The following ZNF710 variants were observed in gnomAD, a reference collection of about 807,000 sequenced individuals.
ZNF710 encodes zinc finger protein 710.
ZNF710 carries 13 observed loss-of-function variants against 50.6 expected under a neutral mutation model. The ratio of observed to expected loss-of-function variants is 0.26; its 90% CI spans 0.17 to 0.41. ZNF710 has a LOEUF of 0.41. Ranked by LOEUF, ZNF710 falls within the 10% of genes least tolerant of loss-of-function variation. The pLI is 1.00. For missense variants in ZNF710, 721 were observed against 936.6 expected, an observed-to-expected ratio of 0.77 and a Z score of 3.01; for synonymous variants, 383 against 397.0, an observed-to-expected ratio of 0.96 and a Z score of 0.42.
At chr15:90,054,109 TA>T (rs994982446) in intron 1 of ZNF710, among the ~76,000 whole-genome samples, 1 of 151,622 alleles carries the variant, frequency 6.6e-6, no homozygotes, top group Non-Finnish European at 1.5e-5. Flanking sequence ...TTGAAGGAGA[TA>T]AAAGGAGAGT....
rs907836126 is a variant in ZNF710, at chr15:90,034,900, T to A, written c.-28-32210T>A. ...AGTTGCAAGCTCCCAGAAACGATGC[T>A]GTTAGGACCCTCTGTTCACTCAGAG... On this transcript the variant is annotated intron_variant, in intron 1 of 4. Transcript: ENST00000268154. The surrounding 1 kb of genome is among the most constrained non-coding windows in gnomAD (Gnocchi z 4.0). Among the ~76,000 whole-genome samples, 18 of 152,196 alleles carry A rather than the reference T, an allele frequency of 1.2e-4. No homozygotes were observed. Among genetic ancestry groups the A allele is most frequent in the Non-Finnish European group, 2.1e-4 (14 of 68,022 alleles).
At chr15:90,065,418 G>C (rs780769603) in intron 1 of ZNF710, among the ~76,000 whole-genome samples, 15 of 152,196 alleles carry the variant, frequency 9.9e-5, no homozygotes, top group Non-Finnish European at 2.2e-4. Context: ...CAGGGCAAGG[G>C]GTATAGGCCC....
chr15:90,043,283 G>T (rs1040461994), intron 1 of ZNF710, among the ~76,000 whole-genome samples: 1 of 152,266 alleles, frequency 6.6e-6, no homozygotes, highest in African/African-American at 2.4e-5. Context: ...TCATAGAGGA[G>T]ACCTGCGGGC....
At chr15:90,077,790 C>G (rs1156535806) in intron 4 of ZNF710, among the ~76,000 whole-genome samples, 1 of 152,158 alleles carries the variant, frequency 6.6e-6, no homozygotes, top group East Asian at 1.9e-4. Flanking sequence ...GTAGCGCACA[C>G]CTATCGTCCC....
intron 1 of ZNF710, among the ~76,000 whole-genome samples, chr15:90,024,208 G>T (rs966252410): frequency 2.0e-5 from 3 of 152,232 alleles, no homozygotes; most frequent in Admixed American, 6.5e-5. Context: ...GGGCACCCCA[G>T]TATCTCTGCC....
chr15:90,058,728 T>TAC (rs143152098), intron 1 of ZNF710, among the ~76,000 whole-genome samples: 7,561 of 145,432 alleles, frequency 0.052, 791 homozygotes, highest in African/African-American at 0.18. Context: ...TACACACATA[T>TAC]ACACACACAC....
At chr15:90,065,844 C>T (rs1470947440) in intron 1 of ZNF710, among the ~76,000 whole-genome samples, 2 of 152,094 alleles carry the variant, frequency 1.3e-5, no homozygotes, top group African/African-American at 2.4e-5. Context: ...GAGGTTGAGA[C>T]AGGAGTGAGC....
At chr15:90,042,043 G>A (rs534984385) in intron 1 of ZNF710, among the ~76,000 whole-genome samples, 3 of 151,988 alleles carry the variant, frequency 2.0e-5, no homozygotes, top group East Asian at 1.9e-4. Flanking sequence ...GATTACAGGC[G>A]CCCACTACCA....
rs2151495052 is a variant in ZNF710 at position 90,040,472 on chromosome 15, G to A, written c.-28-26638G>A. Among the ~76,000 whole-genome samples, 1 of 152,126 alleles carries A rather than the reference G, an allele frequency of 6.6e-6. No individual in the cohort carries two copies. Among genetic ancestry groups the A allele is most frequent in the African/African-American group, 2.4e-5 (1 of 41,492 alleles). On this transcript the variant is annotated intron_variant, in intron 1 of 4. Coordinates refer to ENST00000268154, the MANE Select transcript of ZNF710 (RefSeq NM_198526.4). This position sits in a 1 kb window ranked among gnomAD's most constrained non-coding sequence, Gnocchi z 4.6. ...CCCTGAATTCTGTTCTTTCTTGAAG[G>A]AATTTCTGTTCTCATCAGTTCATAA... is the stretch of plus-strand genomic sequence containing the variant.
intron 4 of ZNF710, among the ~76,000 whole-genome samples, chr15:90,079,097 A>G (rs1900660872): frequency 6.6e-6 from 1 of 152,202 alleles, no homozygotes; most frequent in African/African-American, 2.4e-5. Context: ...ACCCTCCCGC[A>G]GTGTGAGGCA....
At chr15:90,042,730 C>T (rs368044053) in intron 1 of ZNF710, among the ~76,000 whole-genome samples, 1 of 152,162 alleles carries the variant, frequency 6.6e-6, no homozygotes, top group African/African-American at 2.4e-5. Context: ...TTTTGGGAGA[C>T]ACACGGTCAC....
intron 1 of ZNF710, among the ~76,000 whole-genome samples, chr15:90,047,471 A>C (rs769630528): frequency 2.6e-4 from 39 of 152,078 alleles, no homozygotes; most frequent in Non-Finnish European, 4.3e-4. Flanking sequence ...GTGCTTCAAA[A>C]CCTGGTGGGG....
intron 1 of ZNF710, among the ~76,000 whole-genome samples, chr15:90,008,806 G>T (rs1032271779): frequency 6.6e-6 from 1 of 151,628 alleles, no homozygotes; most frequent in African/African-American, 2.4e-5. Context: ...GGTCTCTTTC[G>T]CAATCACCAT....
chr15:90,001,882 GT>G (rs1421422447), intron 1 of ZNF710, among the ~76,000 whole-genome samples: 2 of 143,236 alleles, frequency 1.4e-5, no homozygotes, highest in African/African-American at 2.6e-5. Context: ...GGCGTCTGGG[GT>G]GGGGGGGAGG....
rs558004481 is a variant in ZNF710 at position 90,081,697 on chromosome 15, C to T, written c.*1868C>T. On this transcript the variant is annotated 3_prime_UTR_variant, in exon 5 of 5. Coordinates refer to ENST00000268154, the MANE Select transcript of ZNF710 (RefSeq NM_198526.4). The stretch of plus-strand genomic sequence containing the variant: ...GCATCATCCCCTGCAACTACCTCTT[C>T]CCACGTCTTTCTCCCCTGGTACCAA... The T allele has an allele frequency of 5.2e-5, 8 of 152,734 alleles. No individual in the cohort carries two copies. In the East Asian group the frequency reaches 1.3e-3, roughly 26 times the overall value. The allele number at this position is 152,734 out of a possible 1,614,324, so 9.5% of individuals were successfully genotyped here.
chr15:90,003,356 T>C (rs767659665), intron 1 of ZNF710, among the ~76,000 whole-genome samples: 2 of 152,138 alleles, frequency 1.3e-5, no homozygotes, highest in Non-Finnish European at 2.9e-5. Flanking sequence ...TGTGGGCATC[T>C]GGGAAATTCA....
At chr15:90,038,709 G>C (rs1247754509) in intron 1 of ZNF710, among the ~76,000 whole-genome samples, 2 of 137,604 alleles carry the variant, frequency 1.5e-5, no homozygotes, top group Non-Finnish European at 1.5e-5. Flanking sequence ...TCCCTGCTCT[G>C]TGTGTGTGTG....
intron 1 of ZNF710, among the ~76,000 whole-genome samples, chr15:90,008,441 C>CATATATATATATACAT (rs1011267136): frequency 7.9e-6 from 1 of 126,512 alleles, no homozygotes; most frequent in African/African-American, 3.8e-5. Context: ...TATATATATA[C>CATATATATATATACAT]ATATATATAT....
intron 1 of ZNF710, among the ~76,000 whole-genome samples, chr15:90,013,485 C>A (rs1054712868): frequency 6.6e-6 from 1 of 152,088 alleles, no homozygotes; most frequent in African/African-American, 2.4e-5. Flanking sequence ...GATGAGAGTC[C>A]CTTCTCAGGG....
Sources: allele counts gnomAD v4.1 joint callset (sites outside exome capture counted in the v4.1 genomes callset), GRCh38; gene constraint gnomAD v4.1.1; non-coding constraint Gnocchi (gnomAD v3.1); transcripts MANE v1.5; gene names NCBI Gene and HGNC (gene_info 2026-07-23, HGNC 2026-07-21).